Variants in NEBL observed in about 807,000 individuals in gnomAD.
The protein encoded by NEBL is LIM and SH3 protein 2.
NEBL carries 122 observed loss-of-function variants against 140.2 expected under a neutral mutation model. The ratio of observed to expected loss-of-function variants is 0.87; its 90% confidence interval spans 0.75 to 1.01. The LOEUF is 1.01. NEBL is among the 50% of genes least tolerant of loss of function. The pLI is 0.00. For synonymous variants in NEBL, 436 were observed against 398.9 expected (o/e 1.09, Z -1.11); for missense variants, 1,365 against 1,231.3 (o/e 1.11, Z -1.62).
At chr10:20,918,939 G>A (rs549297269) in intron 4 of NEBL, among the ~76,000 whole-genome samples, 170 of 152,028 alleles carry the variant, frequency 1.1e-3, no homozygotes, top group African/African-American at 3.8e-3. Context: ...ATAATAAAGC[G>A]AAACATTATG....
At chr10:20,823,166 A>G in intron 19 of NEBL, 42 bp downstream of exon 19, 1 of 1,416,760 alleles carries the variant, frequency 7.1e-7, no homozygotes, top group Non-Finnish European at 9.8e-7. Flanking sequence ...ACGTGTTGAT[A>G]TACAATAAAA....
Position 20,858,333 on chromosome 10 carries a change from C to T in NEBL, c.810G>A (p.Lys270=). ...GATCATGCATATTTTGAATGTCTTT[C>T]TTGTACTTCACCTATGAAAATAACA... ...AATLASNVKY[K]KDIQNMHDPV... The change falls in exon 9 of 28, where the codon AAG becomes AAA. Residue 270 remains lysine, a synonymous_variant. Coordinates refer to ENST00000377122, the MANE Select transcript of NEBL (RefSeq NM_006393.3). 3.1e-6 allele frequency: 5 copies of T among 1,597,892 alleles called. No homozygotes were observed. The highest frequency in any genetic ancestry group is 2.6e-6 in the Non-Finnish European group (3 of 1,165,240).
intron 2 of NEBL, among the ~76,000 whole-genome samples, chr10:21,099,369 G>C (rs1837362283): frequency 6.6e-6 from 1 of 151,906 alleles, no homozygotes; most frequent in South Asian, 2.1e-4. Context: ...CCCCTGTCTG[G>C]TGCCAGCCTG....
chr10:20,816,724 T>C (rs954619585), intron 21 of NEBL, among the ~76,000 whole-genome samples: 1 of 152,208 alleles, frequency 6.6e-6, no homozygotes, highest in Non-Finnish European at 1.5e-5. Context: ...ACTTTCTTCT[T>C]GAACTGCATC....
At chr10:20,900,534 C>T (rs981138669), upstream of NEBL, among the ~76,000 whole-genome samples, 3 of 150,848 alleles carry the variant, frequency 2.0e-5, no homozygotes, top group South Asian at 4.2e-4. Flanking sequence ...AAAAATTAGC[C>T]GGGCATGGGC....
At chr10:20,960,327 T>TG in intron 4 of NEBL, among the ~76,000 whole-genome samples, 1 of 152,090 alleles carries the variant, frequency 6.6e-6, no homozygotes, top group South Asian at 2.1e-4. Flanking sequence ...AATAGGTTTT[T>TG]GGTTTAAGGA....
intron 3 of NEBL, among the ~76,000 whole-genome samples, chr10:21,182,309 CA>C (rs967964572): frequency 2.0e-5 from 3 of 150,916 alleles, no homozygotes; most frequent in African/African-American, 2.4e-5. Context: ...CTGTCTCTAC[CA>C]AAAAAAATAA....
At chr10:20,974,251 TC>T (rs1836698664) in intron 3 of NEBL, among the ~76,000 whole-genome samples, 1 of 150,068 alleles carries the variant, frequency 6.7e-6, no homozygotes, top group Non-Finnish European at 1.5e-5. Flanking sequence ...TAGTTTTTTT[TC>T]TTTTTTTTTT....
chr10:20,988,443 A>C (rs1425435981), intron 3 of NEBL, among the ~76,000 whole-genome samples: 1 of 152,226 alleles, frequency 6.6e-6, no homozygotes, highest in Non-Finnish European at 1.5e-5. Flanking sequence ...AAAAAAATTG[A>C]CCAACCCTCT....
chr10:21,127,418 G>A (rs1838891110), intron 2 of NEBL, among the ~76,000 whole-genome samples: 1 of 152,072 alleles, frequency 6.6e-6, no homozygotes, highest in Admixed American at 6.6e-5. Flanking sequence ...GGCTGATGAG[G>A]AACCTTATAA....
At chr10:21,010,079 G>A (rs1327470621) in intron 3 of NEBL, among the ~76,000 whole-genome samples, 1 of 152,098 alleles carries the variant, frequency 6.6e-6, no homozygotes, top group African/African-American at 2.4e-5. Flanking sequence ...AAAATACATT[G>A]TTAGGAAATT....
intron 4 of NEBL, among the ~76,000 whole-genome samples, chr10:20,948,366 T>G (rs1835282212): frequency 6.6e-6 from 1 of 152,196 alleles, no homozygotes; most frequent in South Asian, 2.1e-4. Flanking sequence ...GTGGTGTGGT[T>G]TATTTCATTA....
intron 3 of NEBL, among the ~76,000 whole-genome samples, chr10:21,202,622 C>A (rs1018937843): frequency 6.6e-6 from 1 of 151,944 alleles, no homozygotes; most frequent in African/African-American, 2.4e-5. Flanking sequence ...GCCACCATGC[C>A]CGGCTAATTT....
At chr10:20,970,396 T>C (rs1023498289) in intron 3 of NEBL, among the ~76,000 whole-genome samples, 3 of 152,124 alleles carry the variant, frequency 2.0e-5, no homozygotes, top group Non-Finnish European at 4.4e-5. Context: ...CCCAGCACTT[T>C]GGGAGGCCAA....
At chr10:21,168,629 T>C (rs909029141) in intron 2 of NEBL, among the ~76,000 whole-genome samples, 2 of 152,206 alleles carry the variant, frequency 1.3e-5, no homozygotes, top group African/African-American at 4.8e-5. Flanking sequence ...GTTAATTTTC[T>C]TAAGTGTAAT....
At chr10:21,228,266 G>A (rs966066823) in intron 3 of NEBL, among the ~76,000 whole-genome samples, 5 of 152,028 alleles carry the variant, frequency 3.3e-5, no homozygotes, top group Admixed American at 1.3e-4. Flanking sequence ...CAATGCTCCC[G>A]CCTCAGCTTC....
chr10:21,179,523 C>T (rs1841354880), upstream of NEBL, among the ~76,000 whole-genome samples: 1 of 151,920 alleles, frequency 6.6e-6, no homozygotes, highest in African/African-American at 2.4e-5. Flanking sequence ...AGAACTCCAG[C>T]CCAAAACTCC....
At chr10:21,189,117 A>T (rs558411659) in intron 3 of NEBL, among the ~76,000 whole-genome samples, 5 of 152,284 alleles carry the variant, frequency 3.3e-5, no homozygotes, top group African/African-American at 1.2e-4. Flanking sequence ...ATGGTACCTT[A>T]TTCATAAAAA....
chr10:21,122,598 G>A (rs938702654), intron 2 of NEBL, among the ~76,000 whole-genome samples: 4 of 152,142 alleles, frequency 2.6e-5, no homozygotes, highest in Non-Finnish European at 5.9e-5. Context: ...TTTGAGCCTG[G>A]GTGATTAGAA....
Sources: allele counts gnomAD v4.1 joint callset (sites outside exome capture counted in the v4.1 genomes callset), GRCh38; gene constraint gnomAD v4.1.1; transcripts MANE v1.5; gene names NCBI Gene and HGNC (gene_info 2026-07-23, HGNC 2026-07-21).